Variants in NLN observed in about 807,000 individuals in gnomAD.
The protein encoded by NLN is neurolysin.
NLN carries 64 observed loss-of-function variants against 79.9 expected under a neutral mutation model. The ratio of observed to expected loss-of-function variants is 0.80; its 90% CI spans 0.65 to 0.99. The LOEUF (loss-of-function observed/expected upper bound fraction) is 0.99, where lower values mean the gene tolerates loss of function less well. Among genes scored for constraint, NLN ranks in the 50% least tolerant of loss-of-function variants. The pLI is 0.00. For missense variants in NLN, 835 were observed against 858.7 expected, an observed-to-expected ratio of 0.97 and a Z score of 0.34; for synonymous variants, 267 against 296.6, an observed-to-expected ratio of 0.90 and a Z score of 1.02.
chr5:65,829,131 C>T lies in NLN; in HGVS notation c.*6216C>T, dbSNP rs781402998. Reference sequence around the variant, plus strand: ...TCTTCATCACACACACAGAGGCAAACGTCTGATTCAGATAGCCAGGTGTGC... The same window carrying T: ...TCTTCATCACACACACAGAGGCAAATGTCTGATTCAGATAGCCAGGTGTGC... On this transcript the variant is annotated 3_prime_UTR_variant, in exon 13 of 13. Transcript: ENST00000380985. The T allele has an allele frequency of 1.3e-5, 2 of 152,210 alleles. No homozygotes were observed. Among genetic ancestry groups the T allele is most frequent in the Admixed American group, 1.3e-4 (2 of 15,268 alleles). 9.4% of individuals were successfully genotyped at this position (152,210 alleles called of 1,614,324 possible).
At position 65,727,575 on chromosome 5, in the gene NLN, G is replaced by A. The variant is rs75883721; in HGVS notation, c.41+5161G>A. 8.6e-3 allele frequency among the ~76,000 whole-genome samples: 1,312 copies of A among 152,036 alleles called. 15 individuals are homozygous for A. Among genetic ancestry groups the A allele is most frequent in the African/African-American group, 0.028 (1,144 of 41,460 alleles). Reference sequence around the variant, plus strand: ...CCTCTATATTGCCATAGCAAACCAGGAGAATTCCTCCTCCTACCTCAGATT... The same window carrying A: ...CCTCTATATTGCCATAGCAAACCAGAAGAATTCCTCCTCCTACCTCAGATT... On this transcript the variant is annotated intron_variant, in intron 1 of 12. Transcript: ENST00000380985.
At position 65,809,574 on chromosome 5, in the gene NLN, G is replaced by A. The variant is rs150953990; in HGVS notation, c.1587G>A (p.Ser529=). 16 of 1,613,384 alleles carry A rather than the reference G, an allele frequency of 9.9e-6. No homozygotes were observed. The African/African-American group carries it at 1.1e-4, about 11-fold the overall frequency. Reference sequence around the variant, plus strand: ...AAACTGACTTTGTAGAGGTGCCATCGCAAATGCTTGAAAATTGGGTGTGGG... The same window carrying A: ...AAACTGACTTTGTAGAGGTGCCATCACAAATGCTTGAAAATTGGGTGTGGG... ...NVETDFVEVP[S]QMLENWVWDV... is the part of the protein sequence containing the mutation. The change falls in exon 10 of 13, where the codon TCG becomes TCA. Residue 529 remains serine (S), a synonymous_variant. Coordinates refer to ENST00000380985, the MANE Select transcript of NLN (RefSeq NM_020726.5).
chr5:65,829,123 G>A lies in NLN; in HGVS notation c.*6208G>A, dbSNP rs976144075. The A allele has an allele frequency of 1.3e-5, 2 of 152,100 alleles. No individual in the cohort carries two copies. The highest frequency in any genetic ancestry group is 2.9e-5 in the Non-Finnish European group (2 of 68,032). The allele number at this position is 152,100 out of a possible 1,614,324, so 9.4% of individuals were successfully genotyped here. On this transcript the variant is annotated 3_prime_UTR_variant, in exon 13 of 13. Coordinates refer to ENST00000380985, the MANE Select transcript of NLN (RefSeq NM_020726.5). ...CACTACTGTCTTCATCACACACACA[G>A]AGGCAAACGTCTGATTCAGATAGCC... is the stretch of plus-strand genomic sequence containing the variant.
intron 7 of NLN, among the ~76,000 whole-genome samples, chr5:65,787,783 G>C (rs1759962638): frequency 6.6e-6 from 1 of 152,164 alleles, no homozygotes; most frequent in Non-Finnish European, 1.5e-5. Flanking sequence ...TTTCACTAGT[G>C]CTTTTTTCCC....
intron 12 of NLN, among the ~76,000 whole-genome samples, chr5:65,821,609 C>A (rs921223762): frequency 6.6e-6 from 1 of 152,138 alleles, no homozygotes; most frequent in Admixed American, 6.6e-5. Flanking sequence ...ATATGTGCTT[C>A]ATATTATGTT....
At chr5:65,794,817 A>G (rs1002988155) in intron 9 of NLN, among the ~76,000 whole-genome samples, 2 of 152,168 alleles carry the variant, frequency 1.3e-5, no homozygotes, top group Non-Finnish European at 2.9e-5. Flanking sequence ...AATCATTGTA[A>G]TAACCCAAAA....
rs1161916188 is a variant in NLN, at chr5:65,810,170, G to A, written c.1843+5G>A. 1.2e-6 allele frequency: 2 copies of A among 1,613,182 alleles called. No individual in the cohort carries two copies. The highest frequency in any genetic ancestry group is 3.3e-4 in the Middle Eastern group (2 of 6,062). ...TAGGAGTTGCAGCTACTCCAGGTAT[G>A]TAACTACTATGAATTGAGTTCATTT... On this transcript the variant is annotated splice_donor_5th_base_variant and intron_variant, in intron 11 of 12. Transcript: ENST00000380985.
At chr5:65,740,325 T>C (rs1048880777) in intron 1 of NLN, among the ~76,000 whole-genome samples, 1 of 151,784 alleles carries the variant, frequency 6.6e-6, no homozygotes, top group Non-Finnish European at 1.5e-5. Context: ...ACAGATCTAC[T>C]CTTCTGATAA....
At chr5:65,740,633 A>T (rs1323994861) in intron 1 of NLN, among the ~76,000 whole-genome samples, 2 of 151,832 alleles carry the variant, frequency 1.3e-5, no homozygotes, top group Non-Finnish European at 2.9e-5. Context: ...ACTGCATGTG[A>T]ATCTCCAGTT....
intron 3 of NLN, among the ~76,000 whole-genome samples, chr5:65,771,619 A>C (rs1382682476): frequency 6.6e-6 from 1 of 152,220 alleles, no homozygotes; most frequent in African/African-American, 2.4e-5. Flanking sequence ...CTTTAATGTT[A>C]CAGTGCAGAT....
At chr5:65,790,544 A>G (rs887049293) in intron 8 of NLN, among the ~76,000 whole-genome samples, 1 of 152,172 alleles carries the variant, frequency 6.6e-6, no homozygotes, top group Non-Finnish European at 1.5e-5. Context: ...TTATGAAACC[A>G]TCAGCTCTTG....
chr5:65,752,779 G>C (rs1759128152), intron 1 of NLN, among the ~76,000 whole-genome samples: 1 of 152,238 alleles, frequency 6.6e-6, no homozygotes, highest in Non-Finnish European at 1.5e-5. Context: ...AAATGTTTTA[G>C]TTAGAAGTAT....
At chr5:65,800,799 TC>T (rs1313894933) in intron 9 of NLN, among the ~76,000 whole-genome samples, 2 of 151,842 alleles carry the variant, frequency 1.3e-5, no homozygotes, top group Non-Finnish European at 2.9e-5. Context: ...CAAGCGATCC[TC>T]CCATCTCAGA....
At chr5:65,813,322 C>T (rs1760596941) in intron 12 of NLN, among the ~76,000 whole-genome samples, 1 of 152,116 alleles carries the variant, frequency 6.6e-6, no homozygotes, top group South Asian at 2.1e-4. Flanking sequence ...TTTCCATTAC[C>T]TGGCCAACCC....
At chr5:65,768,308 C>G (rs1018368479) in intron 3 of NLN, among the ~76,000 whole-genome samples, 13 of 152,112 alleles carry the variant, frequency 8.5e-5, no homozygotes, top group Non-Finnish European at 1.6e-4. Context: ...ACAATCATGG[C>G]AGAAGGAAGC....
chr5:65,794,338 T>TG (rs1317567341), intron 9 of NLN, among the ~76,000 whole-genome samples: 1 of 152,202 alleles, frequency 6.6e-6, no homozygotes, highest in African/African-American at 2.4e-5. Flanking sequence ...AGGCTAGGCA[T>TG]GGCAGCTCAC....
chr5:65,788,247 A>G lies in NLN; in HGVS notation c.1088A>G (p.Tyr363Cys), dbSNP rs748158499. ...DGKINAWDLY[Y>C]YMTQTEELKY... ...AAAATCAATGCCTGGGATCTATATT[A>G]CTACATGACTCAGACAGAGGAACTC... The change falls in exon 8 of 13, where the codon TAC becomes TGC. Residue 363 changes from tyrosine (Y) to cysteine (C), a missense_variant. Tyr to Cys is a radical substitution (Grantham distance 194). Transcript: ENST00000380985. 15 of 1,614,086 alleles carry G rather than the reference A, an allele frequency of 9.3e-6. No homozygotes were observed. The highest frequency in any genetic ancestry group is 6.7e-5 in the East Asian group (3 of 44,892).
At chr5:65,758,001 G>A (rs1249478806) in intron 1 of NLN, among the ~76,000 whole-genome samples, 1 of 152,166 alleles carries the variant, frequency 6.6e-6, no homozygotes, top group East Asian at 1.9e-4. Context: ...GTGAGGCCAA[G>A]GCAGGAGGAT....
intron 6 of NLN, among the ~76,000 whole-genome samples, chr5:65,783,998 A>G (rs974263170): frequency 7.2e-5 from 11 of 152,106 alleles, no homozygotes; most frequent in African/African-American, 2.4e-4. Context: ...TTGAATCTTC[A>G]TGATTACTCT....
Sources: allele counts gnomAD v4.1 joint callset (sites outside exome capture counted in the v4.1 genomes callset), GRCh38; gene constraint gnomAD v4.1.1; transcripts MANE v1.5; gene names NCBI Gene and HGNC (gene_info 2026-07-23, HGNC 2026-07-21).